Variants in PPIG observed in about 807,000 individuals in gnomAD.
PPIG encodes the protein peptidylprolyl isomerase G, also known as peptidyl-prolyl cis-trans isomerase G.
Under a neutral mutation model 87.9 loss-of-function variants are expected in PPIG, and 26 were observed. That is an observed-to-expected ratio of 0.30 (90% CI 0.22 to 0.41). The LOEUF is 0.41. Ranked by LOEUF, PPIG falls within the 10% of genes least tolerant of loss-of-function variation. PPIG has a pLI of 1.00. For synonymous variants in PPIG, 308 were observed against 276.5 expected, an observed-to-expected ratio of 1.11 and a Z score of -1.13; for missense variants, 722 against 879.4, an observed-to-expected ratio of 0.82 and a Z score of 2.26.
rs957363897 is a variant in PPIG at position 169,614,482 on chromosome 2, T to G, written c.396T>G (p.Pro132=). The change falls in exon 8 of 14, where the codon CCT becomes CCG. Residue 132 remains proline, a synonymous_variant. Transcript: ENST00000260970. ...CCAAAAGAACAACGAAACCAACTCC[T>G]CATTTAGATGGGTAAATATTATTTT... ...SQFFITTKPT[P]HLDGHHVVFG... 20 of 1,565,654 alleles carry G rather than the reference T, an allele frequency of 1.3e-5. No homozygotes were observed. Among genetic ancestry groups the G allele is most frequent in the Non-Finnish European group, 1.6e-5 (18 of 1,149,358 alleles).
At chr2:169,598,506 T>C (rs1375595764) in intron 1 of PPIG, among the ~76,000 whole-genome samples, 1 of 152,114 alleles carries the variant, frequency 6.6e-6, no homozygotes, top group African/African-American at 2.4e-5. Context: ...TTAGCCAGGA[T>C]GGTCTCGATC....
chr2:169,604,413 TTA>T, intron 4 of PPIG, 152 bp downstream of exon 4: 1 of 664,826 alleles, frequency 1.5e-6, no homozygotes, highest in Middle Eastern at 4.1e-4. Flanking sequence ...TCATCAATCC[TTA>T]CACATAAGCG....
chr2:169,593,179 ATTAT>A (rs1559174329), intron 1 of PPIG, among the ~76,000 whole-genome samples: 1 of 151,516 alleles, frequency 6.6e-6, no homozygotes, highest in Non-Finnish European at 1.5e-5. Flanking sequence ...CAGTACATTT[ATTAT>A]TTATTTTATT....
intron 9 of PPIG, among the ~76,000 whole-genome samples, chr2:169,627,704 C>CTTTTTTTTTT (rs777197172): frequency 1.6e-4 from 16 of 101,894 alleles, no homozygotes; most frequent in African/African-American, 2.7e-4. Context: ...AGTGGGCTTG[C>CTTTTTTTTTT]TTTTTTTTTT....
chr2:169,587,831 C>T, intron 1 of PPIG, among the ~76,000 whole-genome samples: 1 of 152,180 alleles, frequency 6.6e-6, no homozygotes, highest in East Asian at 1.9e-4. Flanking sequence ...TTATAAACAC[C>T]AATCTTTTAT....
At chr2:169,594,349 A>T (rs1219334649) in intron 1 of PPIG, among the ~76,000 whole-genome samples, 2 of 148,082 alleles carry the variant, frequency 1.4e-5, no homozygotes, top group Admixed American at 6.8e-5. Context: ...GCATTTTATT[A>T]GTACTTTTTT....
chr2:169,603,968 T>C (rs949313092), intron 2 of PPIG, 58 bp from the exon 3 acceptor site: 12 of 1,365,044 alleles, frequency 8.8e-6, no homozygotes, highest in Admixed American at 2.1e-5. Flanking sequence ...TTTCCAGAAA[T>C]TTGTGAAAGA....
At chr2:169,633,418 TC>T (rs985013329) in intron 12 of PPIG, 171 bp downstream of exon 12, 3 of 642,276 alleles carry the variant, frequency 4.7e-6, no homozygotes, top group African/African-American at 1.9e-5. Flanking sequence ...TGTTGGTACT[TC>T]CCAACAGAAA....
At chr2:169,589,578 GT>G (rs1174998701) in intron 1 of PPIG, among the ~76,000 whole-genome samples, 4 of 151,862 alleles carry the variant, frequency 2.6e-5, no homozygotes, top group African/African-American at 7.3e-5. Context: ...ATTGTCTCCT[GT>G]TTCATCAAAT....
chr2:169,626,088 T>C (rs1312824190), intron 9 of PPIG, among the ~76,000 whole-genome samples: 1 of 152,248 alleles, frequency 6.6e-6, no homozygotes, highest in East Asian at 1.9e-4. Context: ...TTATGTTGAC[T>C]ATGTATATTG....
chr2:169,618,173 T>G (rs1315138340), intron 9 of PPIG, among the ~76,000 whole-genome samples: 1 of 152,226 alleles, frequency 6.6e-6, no homozygotes, highest in Non-Finnish European at 1.5e-5. Flanking sequence ...TTATGTATGT[T>G]GAACCATTCT....
chr2:169,628,464 A>G (rs1685953000), intron 9 of PPIG, among the ~76,000 whole-genome samples: 1 of 152,128 alleles, frequency 6.6e-6, no homozygotes. Context: ...CTTCAGCCAG[A>G]TTTTCATGTA....
intron 12 of PPIG, among the ~76,000 whole-genome samples, chr2:169,634,206 G>A (rs1686128385): frequency 6.6e-6 from 1 of 152,024 alleles, no homozygotes; most frequent in Admixed American, 6.6e-5. Context: ...GACTACAGGT[G>A]TGCATCACCA....
At chr2:169,612,379 A>AT (rs57752220) in intron 7 of PPIG, among the ~76,000 whole-genome samples, 2,563 of 106,704 alleles carry the variant, frequency 0.024, 119 homozygotes, top group African/African-American at 0.074. Context: ...TCAGAACTCC[A>AT]TTTTTTTTTT....
intron 1 of PPIG, among the ~76,000 whole-genome samples, chr2:169,597,924 C>A (rs533315822): frequency 7.2e-5 from 11 of 151,982 alleles, no homozygotes; most frequent in Admixed American, 6.5e-4. Context: ...CCTATGTTTC[C>A]CAGCCTGGTG....
intron 1 of PPIG, among the ~76,000 whole-genome samples, chr2:169,599,944 G>T (rs1393811411): frequency 6.6e-6 from 1 of 151,672 alleles, no homozygotes. Context: ...GTTCAAATCT[G>T]TTTATCTCCA....
intron 1 of PPIG, among the ~76,000 whole-genome samples, chr2:169,586,640 A>G (rs1272144869): frequency 6.6e-6 from 1 of 152,244 alleles, no homozygotes; most frequent in East Asian, 1.9e-4. Flanking sequence ...TCTGTGAGGC[A>G]GCATCCTCTT....
At chr2:169,627,436 T>C (rs538310986) in intron 9 of PPIG, among the ~76,000 whole-genome samples, 1 of 152,342 alleles carries the variant, frequency 6.6e-6, no homozygotes, top group African/African-American at 2.4e-5. Flanking sequence ...CTAGAATGTT[T>C]TCTTCAAAAG....
rs560657871 is a variant in PPIG, at chr2:169,586,852, T to C, written c.-70+2362T>C. 2.0e-5 allele frequency among the ~76,000 whole-genome samples: 3 copies of C among 152,346 alleles called. No individual in the cohort carries two copies. In the East Asian group the frequency reaches 5.8e-4, roughly 29 times the overall value. ...AGTGTACTAAGATGTCATGAAGGAA[T>C]ACATAGATAATTAATGCAAGTGACC... On this transcript the variant is annotated intron_variant, in intron 1 of 13. Coordinates refer to ENST00000260970, the MANE Select transcript of PPIG (RefSeq NM_004792.3).
Sources: allele counts gnomAD v4.1 joint callset (sites outside exome capture counted in the v4.1 genomes callset), GRCh38; gene constraint gnomAD v4.1.1; transcripts MANE v1.5; gene names NCBI Gene and HGNC (gene_info 2026-07-23, HGNC 2026-07-21).